LIMCH1: variants seen among roughly 807,000 people sequenced by gnomAD.
LIMCH1 encodes LIM and calponin homology domains-containing protein 1.
A neutral mutation model predicts 176.5 loss-of-function variants in LIMCH1; 113 were observed. The ratio of observed to expected loss-of-function variants is 0.64; its 90% confidence interval spans 0.55 to 0.75. LIMCH1 has a LOEUF of 0.75. Among genes scored for constraint, LIMCH1 ranks in the 30% least tolerant of loss-of-function variants. LIMCH1 has a pLI of 0.00. For missense variants in LIMCH1, 1,674 were observed against 1,814.9 expected, an observed-to-expected ratio of 0.92 and a Z score of 1.41; for synonymous variants, 619 against 645.9, an observed-to-expected ratio of 0.96 and a Z score of 0.63.
At chr4:41,494,433 TTATA>T in intron 1 of LIMCH1, 2 of 721,054 alleles carry the variant, frequency 2.8e-6, no homozygotes, top group Non-Finnish European at 4.7e-6. Context: ...ACATACATAG[TTATA>T]TATATGTACA....
chr4:41,554,564 C>T (rs1283701257), intron 1 of LIMCH1, among the ~76,000 whole-genome samples: 1 of 152,136 alleles, frequency 6.6e-6, no homozygotes, highest in East Asian at 1.9e-4. Context: ...TCTGGACACA[C>T]TGCTTCTATT....
intron 1 of LIMCH1, among the ~76,000 whole-genome samples, chr4:41,491,390 C>T (rs1222907315): frequency 9.2e-5 from 12 of 129,844 alleles, no homozygotes; most frequent in East Asian, 2.5e-4. Flanking sequence ...ACAGGGCAGC[C>T]GGGCAGAGGC....
At chr4:41,501,857 CTTTTTTTTTTTTTTTT>C (rs71198662) in intron 2 of LIMCH1, among the ~76,000 whole-genome samples, 34 of 74,978 alleles carry the variant, frequency 4.5e-4, no homozygotes, top group East Asian at 1.6e-3. Context: ...GTGTAGAATC[CTTTTTTTTTTTTTTTT>C]TTTTTTTTTT....
At chr4:41,461,260 T>C (rs1314799368) in intron 1 of LIMCH1, among the ~76,000 whole-genome samples, 2 of 152,196 alleles carry the variant, frequency 1.3e-5, no homozygotes, top group East Asian at 3.9e-4. Context: ...CAGGGTTTCA[T>C]AGGCTGCAGT....
intron 1 of LIMCH1, among the ~76,000 whole-genome samples, chr4:41,440,519 C>A (rs957227245): frequency 2.0e-5 from 3 of 151,794 alleles, no homozygotes; most frequent in African/African-American, 7.3e-5. Context: ...AGAAAAAATA[C>A]CATGGTCTAT....
chr4:41,530,572 C>A (rs2077150320), intron 3 of LIMCH1, among the ~76,000 whole-genome samples: 1 of 151,796 alleles, frequency 6.6e-6, no homozygotes, highest in Non-Finnish European at 1.5e-5. Flanking sequence ...TTTGGGAGGC[C>A]AAGGCATGCA....
chr4:41,448,411 G>T (rs1170774400), intron 1 of LIMCH1, among the ~76,000 whole-genome samples: 2 of 152,144 alleles, frequency 1.3e-5, no homozygotes, highest in Non-Finnish European at 2.9e-5. Context: ...CATTATACCT[G>T]CAGGTTCAGG....
intron 1 of LIMCH1, among the ~76,000 whole-genome samples, chr4:41,571,785 G>A (rs1421697002): frequency 6.6e-6 from 1 of 152,170 alleles, no homozygotes; most frequent in Non-Finnish European, 1.5e-5. Flanking sequence ...CCAGAGTGGT[G>A]TGGTGCCTGG....
At chr4:41,361,328 C>T (rs1364992104) in intron 1 of LIMCH1, among the ~76,000 whole-genome samples, 2 of 152,234 alleles carry the variant, frequency 1.3e-5, no homozygotes, top group African/African-American at 4.8e-5. Flanking sequence ...TTCACCGGTG[C>T]TCGCATTTCG....
At position 41,646,642 on chromosome 4, in the gene LIMCH1, A is replaced by G; in HGVS notation, c.2569A>G (p.Thr857Ala). ...AAAAATTCTGGAAAGAAGCCATTCA[A>G]CAGAGCCAAATTTATCCTCCTTCCT... is the stretch of plus-strand genomic sequence containing the variant. ...MPKILERSHS[T>A]EPNLSSFLND... Residue 857 changes from threonine (T) to alanine (A), a missense_variant, in exon 17 of 32, where the codon ACA (threonine) becomes GCA (alanine). Physicochemically the swap from Thr to Ala is moderately conservative, Grantham distance 58 (BLOSUM62 0). Around this residue, in one of 3 missense-constraint regions of LIMCH1, gnomAD observed 1,015 missense variants for 1,102.5 expected, o/e 0.92. Coordinates refer to ENST00000503057, the MANE Select transcript of LIMCH1 (RefSeq NM_001330672.2). 1.2e-6 allele frequency: 2 copies of G among 1,614,206 alleles called. No individual in the cohort carries two copies. Among genetic ancestry groups the G allele is most frequent in the Non-Finnish European group, 1.7e-6 (2 of 1,180,042 alleles).
At chr4:41,537,688 G>A (rs148129908), upstream of LIMCH1, among the ~76,000 whole-genome samples, 72 of 152,254 alleles carry the variant, frequency 4.7e-4, no homozygotes, top group African/African-American at 1.5e-3. Context: ...TAAATGAGAT[G>A]ATATACATAA....
At chr4:41,487,467 T>G (rs1434652103) in intron 1 of LIMCH1, among the ~76,000 whole-genome samples, 1 of 152,120 alleles carries the variant, frequency 6.6e-6, no homozygotes, top group Non-Finnish European at 1.5e-5. Context: ...TTCCCAGAAT[T>G]GGGTCTAAGA....
intron 1 of LIMCH1, among the ~76,000 whole-genome samples, chr4:41,396,330 A>T (rs914658866): frequency 6.6e-6 from 1 of 152,210 alleles, no homozygotes; most frequent in Non-Finnish European, 1.5e-5. Flanking sequence ...AATGCAAAAG[A>T]TTGAAATCTG....
chr4:41,643,764 G>A (rs537312619), intron 14 of LIMCH1, among the ~76,000 whole-genome samples: 11 of 152,114 alleles, frequency 7.2e-5, no homozygotes, highest in Non-Finnish European at 1.2e-4. Flanking sequence ...CCTAATTTAT[G>A]TGTTTTACTC....
chr4:41,422,805 T>G (rs905812253), intron 1 of LIMCH1, among the ~76,000 whole-genome samples: 5 of 152,192 alleles, frequency 3.3e-5, no homozygotes, highest in African/African-American at 7.2e-5. Flanking sequence ...TCACCCAGGC[T>G]GCAGGGCAGT....
intron 13 of LIMCH1, among the ~76,000 whole-genome samples, 180 bp from the exon 14 acceptor site, chr4:41,638,750 CTT>C (rs1388262037): frequency 6.6e-6 from 1 of 152,112 alleles, no homozygotes; most frequent in Admixed American, 6.5e-5. Context: ...AATATCAAGA[CTT>C]GTCTTTGATT....
chr4:41,382,172 A>G (rs535648567), intron 1 of LIMCH1, among the ~76,000 whole-genome samples: 7 of 152,204 alleles, frequency 4.6e-5, no homozygotes, highest in Non-Finnish European at 1.0e-4. Flanking sequence ...TTGTTGTGGA[A>G]TAGGTAGCTA....
chr4:41,668,977 C>T (rs1440199510), intron 21 of LIMCH1, among the ~76,000 whole-genome samples: 1 of 152,160 alleles, frequency 6.6e-6, no homozygotes. Flanking sequence ...TTACCTCCCA[C>T]CAGGTCCCTC....
At chr4:41,500,902 T>C (rs563366987) in intron 2 of LIMCH1, among the ~76,000 whole-genome samples, 1 of 152,130 alleles carries the variant, frequency 6.6e-6, no homozygotes, top group South Asian at 2.1e-4. Context: ...CAGTTTTCGA[T>C]AGAGTGGTTG....
Sources: allele counts gnomAD v4.1 joint callset (sites outside exome capture counted in the v4.1 genomes callset), GRCh38; gene constraint gnomAD v4.1.1; regional missense constraint gnomAD v4.1.1; transcripts MANE v1.5; gene names NCBI Gene and HGNC (gene_info 2026-07-23, HGNC 2026-07-21).